CSMD1: variants seen among roughly 807,000 people sequenced by gnomAD.
CSMD1 encodes the protein CUB and sushi domain-containing protein 1.
A neutral mutation model predicts 417.5 loss-of-function variants in CSMD1; 213 were observed. The observed-to-expected ratio is 0.51, with a 90% CI of 0.46 to 0.57. The LOEUF (loss-of-function observed/expected upper bound fraction) is 0.57. Ranked by LOEUF, CSMD1 falls within the 20% of genes least tolerant of loss-of-function variation. The pLI is 0.00. For synonymous variants in CSMD1, 2,862 were observed against 1,736.8 expected, an observed-to-expected ratio of 1.65 and a Z score of -16.11; for missense variants, 6,923 against 4,529.7, an observed-to-expected ratio of 1.53 and a Z score of -15.17.
Position 4,741,492 on chromosome 8 carries a change from T to C in CSMD1, c.86-103934A>G, listed in dbSNP as rs542002703. 5.9e-4 allele frequency among the ~76,000 whole-genome samples: 90 copies of C among 152,330 alleles called. No individual in the cohort carries two copies. The Middle Eastern group carries it at 0.01, about 17-fold the overall frequency. ...CTTTCATAAACATACACAAATATTA[T>C]AGTAGAATCCGTAAGCATGATCAAA... On this transcript the variant is annotated intron_variant, in intron 1 of 69. Coordinates refer to ENST00000635120, the MANE Select transcript of CSMD1 (RefSeq NM_033225.6).
At chr8:4,628,819 T>C (rs1342250912) in intron 2 of CSMD1, among the ~76,000 whole-genome samples, 1 of 152,112 alleles carries the variant, frequency 6.6e-6, no homozygotes, top group Non-Finnish European at 1.5e-5. Context: ...TATATCTAGA[T>C]CAGGAATCTC....
intron 37 of CSMD1, among the ~76,000 whole-genome samples, chr8:3,180,632 T>C (rs1480844525): frequency 6.6e-6 from 1 of 152,108 alleles, no homozygotes; most frequent in Non-Finnish European, 1.5e-5. Context: ...TGTATATTTC[T>C]TTTGTTTGTT....
intron 5 of CSMD1, among the ~76,000 whole-genome samples, chr8:3,892,046 A>G (rs1382336661): frequency 6.6e-6 from 1 of 152,066 alleles, no homozygotes; most frequent in African/African-American, 2.4e-5. Context: ...AAAATTAAGG[A>G]AAGTCACATT....
At chr8:3,920,349 G>T (rs1306111678) in intron 5 of CSMD1, among the ~76,000 whole-genome samples, 3 of 147,564 alleles carry the variant, frequency 2.0e-5, no homozygotes, top group African/African-American at 5.3e-5. Flanking sequence ...TTTCTAAGAT[G>T]CGTGTGTGTT....
At chr8:4,118,921 A>T (rs983854853) in intron 3 of CSMD1, among the ~76,000 whole-genome samples, 2 of 152,228 alleles carry the variant, frequency 1.3e-5, no homozygotes, top group African/African-American at 4.8e-5. Context: ...ATTAAAAAGG[A>T]TGAGTTCATT....
chr8:4,888,050 G>C lies in CSMD1; in HGVS notation c.85+106282C>G, dbSNP rs893333156. On this transcript the variant is annotated intron_variant, in intron 1 of 69. Coordinates refer to ENST00000635120, the MANE Select transcript of CSMD1 (RefSeq NM_033225.6). ...TTTGACCCATATATGCCACTTCTAG[G>C]AATTTACTCTGAAGATAAACTTTCA... 9.9e-5 allele frequency among the ~76,000 whole-genome samples: 15 copies of C among 151,806 alleles called. 1 individual carries two copies. The highest frequency in any genetic ancestry group is 6.8e-3 in the Middle Eastern group (2 of 294).
intron 3 of CSMD1, among the ~76,000 whole-genome samples, chr8:4,139,258 T>C (rs1155650): frequency 0.99 from 147,342 of 148,620 alleles, 73,054 homozygotes; most frequent in Middle Eastern, 1. Context: ...TCATTATGCA[T>C]CAGTGTAAAG....
chr8:3,744,678 C>T (rs187163162), intron 6 of CSMD1, among the ~76,000 whole-genome samples: 1 of 152,112 alleles, frequency 6.6e-6, no homozygotes, highest in Admixed American at 6.6e-5. Flanking sequence ...TGCCTACAGA[C>T]AGGTAGCAAA....
chr8:3,529,405 T>TG (rs1200135105), intron 10 of CSMD1, among the ~76,000 whole-genome samples: 2 of 151,798 alleles, frequency 1.3e-5, no homozygotes, highest in African/African-American at 4.8e-5. Context: ...TTGAAGGAGA[T>TG]GGGGGGTTGA....
intron 1 of CSMD1, among the ~76,000 whole-genome samples, chr8:4,985,097 A>C (rs756368371): frequency 2.6e-5 from 4 of 152,176 alleles, no homozygotes; most frequent in Non-Finnish European, 5.9e-5. Context: ...TATCCTTATC[A>C]AACTAATCTA....
intron 1 of CSMD1, among the ~76,000 whole-genome samples, chr8:4,682,881 C>A (rs6558903): frequency 0.67 from 98,868 of 147,866 alleles, 34,124 homozygotes; most frequent in African/African-American, 0.84. Context: ...TACATATTTT[C>A]TTAATATTTT....
At chr8:4,740,642 G>T (rs1018355751) in intron 1 of CSMD1, among the ~76,000 whole-genome samples, 1 of 152,226 alleles carries the variant, frequency 6.6e-6, no homozygotes, top group African/African-American at 2.4e-5. Context: ...CGAGGAGTAT[G>T]TGCAGCTCTC....
chr8:3,313,920 C>T (rs902083027), intron 23 of CSMD1, among the ~76,000 whole-genome samples: 10 of 142,688 alleles, frequency 7.0e-5, no homozygotes, highest in African/African-American at 2.4e-4. Context: ...CACATATACA[C>T]CATGGAATAC....
intron 4 of CSMD1, among the ~76,000 whole-genome samples, chr8:4,017,599 C>T (rs917883504): frequency 6.6e-6 from 1 of 152,146 alleles, no homozygotes; most frequent in Non-Finnish European, 1.5e-5. Flanking sequence ...AGCCACCGTG[C>T]CCAGCTGCCA....
chr8:3,287,234 G>A (rs1046336182), intron 25 of CSMD1, among the ~76,000 whole-genome samples: 27 of 150,522 alleles, frequency 1.8e-4, no homozygotes, highest in African/African-American at 2.9e-4. Flanking sequence ...GTCAGGTAGG[G>A]TGATGCCTCC....
chr8:3,297,585 G>C (rs1363932624), intron 25 of CSMD1, among the ~76,000 whole-genome samples: 1 of 152,154 alleles, frequency 6.6e-6, no homozygotes, highest in Non-Finnish European at 1.5e-5. Context: ...TCAGCAAATT[G>C]TCAATTGAAC....
At chr8:4,430,628 C>CT (rs534538854) in intron 2 of CSMD1, among the ~76,000 whole-genome samples, 39 of 151,982 alleles carry the variant, frequency 2.6e-4, no homozygotes, top group African/African-American at 6.3e-4. Context: ...AACTGATCCT[C>CT]TTTTTTTTAA....
intron 35 of CSMD1, 145 bp downstream of exon 35, chr8:3,188,742 T>G (rs1465970381): frequency 1.8e-6 from 1 of 541,014 alleles, no homozygotes; most frequent in Non-Finnish European, 2.9e-6. Flanking sequence ...GTATAGTCTA[T>G]GTATTTAAAA....
At chr8:4,082,847 G>A (rs937051083) in intron 3 of CSMD1, among the ~76,000 whole-genome samples, 1 of 141,166 alleles carries the variant, frequency 7.1e-6, no homozygotes, top group Non-Finnish European at 1.5e-5. Context: ...TTCCACCTAT[G>A]AGTGGGAACA....
Sources: allele counts gnomAD v4.1 joint callset (sites outside exome capture counted in the v4.1 genomes callset), GRCh38; gene constraint gnomAD v4.1.1; transcripts MANE v1.5; gene names NCBI Gene and HGNC (gene_info 2026-07-23, HGNC 2026-07-21).